GAS2L3: variants seen among roughly 807,000 people sequenced by gnomAD.
The protein encoded by GAS2L3 is growth arrest specific 2 like 3.
GAS2L3 carries 28 observed loss-of-function variants against 37.0 expected under a neutral mutation model. The ratio of observed to expected loss-of-function variants is 0.76; its 90% CI spans 0.56 to 1.04. GAS2L3 has a LOEUF of 1.04. GAS2L3 is among the 50% of genes least tolerant of loss of function. The pLI, the probability that GAS2L3 is intolerant of heterozygous loss-of-function variation, is 0.00. For synonymous variants in GAS2L3, 290 were observed against 296.6 expected, an observed-to-expected ratio of 0.98 and a Z score of 0.23; for missense variants, 793 against 817.6, an observed-to-expected ratio of 0.97 and a Z score of 0.37.
chr12:100,616,408 C>T (rs894239426), intron 6 of GAS2L3, among the ~76,000 whole-genome samples: 1 of 151,888 alleles, frequency 6.6e-6, no homozygotes, highest in African/African-American at 2.4e-5. Flanking sequence ...GATTATGTTA[C>T]CTGTTTTTTG....
chr12:100,589,047 C>A (rs776020090), intron 1 of GAS2L3, among the ~76,000 whole-genome samples: 1 of 152,106 alleles, frequency 6.6e-6, no homozygotes, highest in Non-Finnish European at 1.5e-5. Context: ...TGATGTACAT[C>A]CTCAGCTTAC....
intron 1 of GAS2L3, chr12:100,579,328 A>G: frequency 3.0e-6 from 2 of 668,672 alleles, no homozygotes; most frequent in East Asian, 5.0e-5. Flanking sequence ...CCGTACTACG[A>G]GCGGCACTGA....
At chr12:100,608,946 T>G (rs528132198) in intron 5 of GAS2L3, among the ~76,000 whole-genome samples, 3 of 152,352 alleles carry the variant, frequency 2.0e-5, no homozygotes, top group African/African-American at 7.2e-5. Context: ...CTGTGGCTAC[T>G]ACCACCACTG....
At chr12:100,582,814 G>C (rs980054249) in intron 1 of GAS2L3, among the ~76,000 whole-genome samples, 1 of 152,166 alleles carries the variant, frequency 6.6e-6, no homozygotes, top group Non-Finnish European at 1.5e-5. Context: ...GTGCTGACAG[G>C]GTTGTGCTGT....
chr12:100,587,825 G>C (rs1194621586), intron 1 of GAS2L3, among the ~76,000 whole-genome samples: 1 of 152,178 alleles, frequency 6.6e-6, no homozygotes, highest in Non-Finnish European at 1.5e-5. Context: ...GGCTGAGGCG[G>C]GTGGATCACA....
At chr12:100,620,825 T>G (rs1956243250) in intron 8 of GAS2L3, among the ~76,000 whole-genome samples, 1 of 152,070 alleles carries the variant, frequency 6.6e-6, no homozygotes, top group Non-Finnish European at 1.5e-5. Flanking sequence ...GGTTAACTAA[T>G]GTATCAGCAT....
At chr12:100,595,833 G>T (rs1326669874) in intron 3 of GAS2L3, among the ~76,000 whole-genome samples, 2 of 151,908 alleles carry the variant, frequency 1.3e-5, no homozygotes, top group Non-Finnish European at 2.9e-5. Context: ...AATATATATT[G>T]CCTGTAAGCA....
intron 1 of GAS2L3, chr12:100,578,670 T>G (rs949287351): frequency 1.2e-4 from 36 of 310,614 alleles, no homozygotes; most frequent in Non-Finnish European, 2.0e-4. Context: ...CAGGTGGCCA[T>G]GGAACTCGCT....
chr12:100,614,476 T>C (rs1409226124), intron 6 of GAS2L3, among the ~76,000 whole-genome samples: 1 of 152,042 alleles, frequency 6.6e-6, no homozygotes, highest in African/African-American at 2.4e-5. Context: ...AAAAAATTAC[T>C]ATCTTAACCA....
chr12:100,586,868 C>A (rs1229805188), intron 1 of GAS2L3, among the ~76,000 whole-genome samples: 3 of 152,056 alleles, frequency 2.0e-5, no homozygotes, highest in Non-Finnish European at 2.9e-5. Flanking sequence ...ATCCAAATAA[C>A]CTCACTAAGA....
At chr12:100,621,218 G>A (rs1480467635) in intron 8 of GAS2L3, among the ~76,000 whole-genome samples, 1 of 151,964 alleles carries the variant, frequency 6.6e-6, no homozygotes, top group Non-Finnish European at 1.5e-5. Flanking sequence ...GATAAATTTT[G>A]TGTGGCAATA....
chr12:100,610,157 T>G (rs575512880), intron 5 of GAS2L3, among the ~76,000 whole-genome samples: 64 of 152,370 alleles, frequency 4.2e-4, no homozygotes, highest in African/African-American at 1.5e-3. Flanking sequence ...ATAGTTCTAC[T>G]TGTAGCAGTT....
At chr12:100,595,845 G>A (rs902602804) in intron 3 of GAS2L3, among the ~76,000 whole-genome samples, 5 of 151,968 alleles carry the variant, frequency 3.3e-5, no homozygotes, top group African/African-American at 9.7e-5. Context: ...CTGTAAGCAC[G>A]TCAGAAGTTT....
chr12:100,622,340 T>C lies in GAS2L3; in HGVS notation c.714T>C (p.Ser238=), dbSNP rs2136586995. ...CSHRFSIEYL[S]EGRYRLGDKI... ...ATCGATTTTCTATTGAGTATTTATCTGAAGGACGGTACCGACTAGGGGATA... is the reference window on the plus strand; with the variant it reads ...ATCGATTTTCTATTGAGTATTTATCCGAAGGACGGTACCGACTAGGGGATA... The change falls in exon 9 of 10, where the codon TCT becomes TCC. Residue 238 remains serine (S), a synonymous_variant. Coordinates refer to ENST00000547754, the MANE Select transcript of GAS2L3 (RefSeq NM_174942.3). 6.2e-7 allele frequency: 1 copy of C among 1,601,628 alleles called. No individual in the cohort carries two copies. The highest frequency in any genetic ancestry group is 8.6e-7 in the Non-Finnish European group (1 of 1,169,416).
intron 5 of GAS2L3, among the ~76,000 whole-genome samples, chr12:100,605,485 TTTTA>T (rs1956045151): frequency 6.6e-6 from 1 of 151,968 alleles, no homozygotes; most frequent in Non-Finnish European, 1.5e-5. Context: ...GTCATTTCAA[TTTTA>T]TTTATTTCTT....
rs577080142 is a variant in GAS2L3 at position 100,626,282 on chromosome 12, C to T, written c.*1392C>T. The T allele has an allele frequency of 1.4e-4, 22 of 152,228 alleles. No individual in the cohort carries two copies. The highest frequency in any genetic ancestry group is 4.6e-4 in the African/African-American group (19 of 41,540). 9.4% of individuals were successfully genotyped at this position (152,228 alleles called of 1,614,324 possible). On this transcript the variant is annotated 3_prime_UTR_variant, in exon 10 of 10. Transcript: ENST00000547754. Reference sequence around the variant, plus strand: ...TCATAGAATAAGCATTTTAAGCTGGCGACTAGTGTTCTATAGATTACAAAG... The same window carrying T: ...TCATAGAATAAGCATTTTAAGCTGGTGACTAGTGTTCTATAGATTACAAAG...
At chr12:100,577,169 T>C (rs182870099) in intron 1 of GAS2L3, among the ~76,000 whole-genome samples, 55 of 152,362 alleles carry the variant, frequency 3.6e-4, no homozygotes, top group Non-Finnish European at 6.2e-4. Flanking sequence ...AAAATAGACA[T>C]ATTTTCATAT....
chr12:100,618,402 C>A, intron 7 of GAS2L3, 47 bp from the exon 8 acceptor site: 3 of 1,562,498 alleles, frequency 1.9e-6, no homozygotes, highest in Non-Finnish European at 2.6e-6. Flanking sequence ...CAGGCAAGTA[C>A]TGGGTCAACT....
Position 100,579,566 on chromosome 12 carries a change from G to A in GAS2L3, c.-152+5781G>A, listed in dbSNP as rs371889190. The A allele has an allele frequency of 3.4e-4, 264 of 773,172 alleles. 1 individual carries two copies. The highest frequency in any genetic ancestry group is 3.2e-3 in the South Asian group (233 of 73,926). The allele number at this position is 773,172 out of a possible 1,614,324, so 47.9% of individuals were successfully genotyped here. A position where few individuals can be genotyped will look rare whatever the true frequency, so the allele number is the denominator to read the frequency against. ...AGAGAATCATTTTGCAAGAAGTTCC[G>A]GAAAGATACCAGTTGCATGACAGGG... On this transcript the variant is annotated intron_variant, in intron 1 of 9. Coordinates refer to ENST00000547754, the MANE Select transcript of GAS2L3 (RefSeq NM_174942.3).
Sources: allele counts gnomAD v4.1 joint callset (sites outside exome capture counted in the v4.1 genomes callset), GRCh38; gene constraint gnomAD v4.1.1; transcripts MANE v1.5; gene names NCBI Gene and HGNC (gene_info 2026-07-23, HGNC 2026-07-21).